SCNN1B: variants seen among roughly 807,000 people sequenced by gnomAD.
SCNN1B encodes the protein epithelial sodium channel subunit beta.
A neutral mutation model predicts 65.3 loss-of-function variants in SCNN1B; 46 were observed. That is an observed-to-expected ratio of 0.70 (90% CI 0.56 to 0.90). The LOEUF is 0.90. Among genes scored for constraint, SCNN1B ranks in the 40% least tolerant of loss-of-function variants. SCNN1B has a pLI of 0.00. For synonymous variants in SCNN1B, 349 were observed against 330.6 expected, an observed-to-expected ratio of 1.06 and a Z score of -0.60; for missense variants, 751 against 830.5, an observed-to-expected ratio of 0.90 and a Z score of 1.18.
chr16:23,337,374 C>CT (rs11455298), intron 1 of SCNN1B, among the ~76,000 whole-genome samples: 55,533 of 134,042 alleles, frequency 0.41, 13,138 homozygotes, highest in African/African-American at 0.65. Flanking sequence ...CTCTTTCTTT[C>CT]TTTTTTTTTT....
At position 23,348,720 on chromosome 16, in the gene SCNN1B, A is replaced by G. The variant is rs146431954; in HGVS notation, c.121A>G (p.Ile41Val). The part of the protein sequence containing the change: ...DNTNTHGPKR[I>V]ICEGPKKKAM... ...CACCAACACCCACGGCCCCAAGCGC[A>G]TCATCTGTGAGGGGCCCAAGAAGAA... Residue 41 changes from isoleucine (I) to valine (V), a missense_variant, in exon 2 of 13, where the codon ATC becomes GTC. Coordinates refer to ENST00000343070, the MANE Select transcript of SCNN1B (RefSeq NM_000336.3). This position sits in a 1 kb window ranked among gnomAD's most constrained non-coding sequence, Gnocchi z 4.5. 2.5e-6 allele frequency: 4 copies of G among 1,614,160 alleles called. No homozygotes were observed. Among genetic ancestry groups the G allele is most frequent in the Non-Finnish European group, 3.4e-6 (4 of 1,180,040 alleles).
intron 10 of SCNN1B, among the ~76,000 whole-genome samples, chr16:23,377,622 CTTCA>C (rs1170812705): frequency 1.9e-5 from 2 of 107,180 alleles, no homozygotes; most frequent in Non-Finnish European, 4.0e-5. Flanking sequence ...TTCTTCCTTC[CTTCA>C]TTCCTTCTCC....
intron 1 of SCNN1B, among the ~76,000 whole-genome samples, chr16:23,309,968 A>G (rs1961305865): frequency 6.6e-6 from 1 of 152,190 alleles, no homozygotes; most frequent in Non-Finnish European, 1.5e-5. Flanking sequence ...TCAGCTCTAC[A>G]AGAGGACTAT....
At chr16:23,330,983 C>T (rs1268191966) in intron 1 of SCNN1B, among the ~76,000 whole-genome samples, 1 of 152,206 alleles carries the variant, frequency 6.6e-6, no homozygotes, top group Non-Finnish European at 1.5e-5. Context: ...CACATGCTCC[C>T]TGAAAGGTGT....
At chr16:23,357,746 C>A (rs78700081) in intron 4 of SCNN1B, among the ~76,000 whole-genome samples, 11,454 of 152,268 alleles carry the variant, frequency 0.075, 508 homozygotes, top group Middle Eastern at 0.14. Context: ...TGGCGCCCTG[C>A]TGATGGGATA....
At chr16:23,288,474 C>T (rs1960881869) in intron 2 of SCNN1B, among the ~76,000 whole-genome samples, 2 of 152,152 alleles carry the variant, frequency 1.3e-5, no homozygotes, top group Admixed American at 1.3e-4. Context: ...TAGCTGTGAG[C>T]TCTGCTTTGT....
In SCNN1B at chr16:23,307,926, TCCCAGCTACTTGGGAG is replaced by T. The variant is rs1171645796; in HGVS notation, c.-9+5490_-9+5505del. Among the ~76,000 whole-genome samples the T allele has an allele frequency of 5.9e-5, 9 of 152,274 alleles. No homozygotes were observed. The East Asian group carries it at 1.5e-3, about 26-fold the overall frequency. On this transcript the variant is annotated intron_variant, in intron 1 of 12. Transcript: ENST00000343070. ...CGGGTGTAGTGGCACATGCCCGTAG[TCCCAGCTACTTGGGAG>T]GCTGAGGTGAGAGGATTGCTTGAGC... is the stretch of plus-strand genomic sequence containing the variant.
At chr16:23,309,410 T>TGATAGATA (rs58532372) in intron 1 of SCNN1B, among the ~76,000 whole-genome samples, 6,924 of 150,880 alleles carry the variant, frequency 0.046, 369 homozygotes, top group African/African-American at 0.13. Flanking sequence ...AGATAAATGA[T>TGATAGATA]GATAGATAGA....
intron 1 of SCNN1B, among the ~76,000 whole-genome samples, chr16:23,328,521 CT>C (rs1285443338): frequency 2.0e-5 from 3 of 152,212 alleles, no homozygotes; most frequent in Non-Finnish European, 4.4e-5. Flanking sequence ...TCACTCCAAT[CT>C]TTGGTCTGTC....
intron 1 of SCNN1B, among the ~76,000 whole-genome samples, chr16:23,329,609 T>G (rs1187852342): frequency 6.6e-6 from 1 of 152,200 alleles, no homozygotes; most frequent in African/African-American, 2.4e-5. Context: ...GACACAGAGA[T>G]ACCATGTAGC....
chr16:23,326,671 T>C (rs1961703800), intron 1 of SCNN1B, among the ~76,000 whole-genome samples: 1 of 152,176 alleles, frequency 6.6e-6, no homozygotes, highest in Non-Finnish European at 1.5e-5. Flanking sequence ...TTTCATCATG[T>C]TGGCCAGCCT....
rs1021952933 is a variant in SCNN1B at position 23,368,489 on chromosome 16, C to G, written c.880+530C>G. ...CTGGGAAGGTCAAGGCAGCAGTGAG[C>G]CATGATCACACCACTGCAGCTCCAC... On this transcript the variant is annotated intron_variant, in intron 5 of 12. Transcript: ENST00000343070. 3.9e-5 allele frequency among the ~76,000 whole-genome samples: 6 copies of G among 152,246 alleles called. No homozygotes were observed. In the East Asian group the frequency reaches 1.2e-3, roughly 29 times the overall value.
chr16:23,353,359 G>A (rs1962352182), intron 3 of SCNN1B: 2 of 485,618 alleles, frequency 4.1e-6, no homozygotes, highest in Non-Finnish European at 7.5e-6. Context: ...GGCAAGGCTG[G>A]ATCCAGGTAT....
intron 1 of SCNN1B, chr16:23,303,853 AG>A: frequency 1.7e-6 from 1 of 590,760 alleles, no homozygotes; most frequent in Non-Finnish European, 3.1e-6. Flanking sequence ...CAGGAGGTGG[AG>A]GTTGCAGTGA....
At chr16:23,334,501 G>A (rs1306895544) in intron 1 of SCNN1B, among the ~76,000 whole-genome samples, 6 of 152,104 alleles carry the variant, frequency 3.9e-5, no homozygotes, top group Non-Finnish European at 5.9e-5. Flanking sequence ...TGCTCCAGCC[G>A]CCCACAGGTC....
At chr16:23,364,102 G>A (rs1001356722) in intron 4 of SCNN1B, among the ~76,000 whole-genome samples, 23 of 152,120 alleles carry the variant, frequency 1.5e-4, no homozygotes, top group Admixed American at 7.2e-4. Context: ...GGAGGCAGAG[G>A]CTGTAGTGAG....
chr16:23,363,197 A>C (rs187484741), intron 4 of SCNN1B, among the ~76,000 whole-genome samples: 1 of 152,034 alleles, frequency 6.6e-6, no homozygotes, highest in East Asian at 1.9e-4. Flanking sequence ...TCTGTACCAG[A>C]CCCTGGGCAT....
chr16:23,329,616 T>C (rs1328929321), intron 1 of SCNN1B, among the ~76,000 whole-genome samples: 1 of 152,216 alleles, frequency 6.6e-6, no homozygotes, highest in Non-Finnish European at 1.5e-5. Context: ...AGATACCATG[T>C]AGCTTGTGCA....
intron 1 of SCNN1B, among the ~76,000 whole-genome samples, chr16:23,308,866 G>T (rs147724399): frequency 0.019 from 2,968 of 152,208 alleles, 60 homozygotes; most frequent in African/African-American, 0.051. Flanking sequence ...GCCTCCCAAA[G>T]TGCTGGGATT....
Sources: allele counts gnomAD v4.1 joint callset (sites outside exome capture counted in the v4.1 genomes callset), GRCh38; gene constraint gnomAD v4.1.1; non-coding constraint Gnocchi (gnomAD v3.1); transcripts MANE v1.5; gene names NCBI Gene and HGNC (gene_info 2026-07-23, HGNC 2026-07-21).